MRPS9: variants seen among roughly 807,000 people sequenced by gnomAD.
MRPS9 encodes mitochondrial ribosomal protein S9.
Under a neutral mutation model 59.9 loss-of-function variants are expected in MRPS9, and 45 were observed. That is an observed-to-expected ratio of 0.75 (90% CI 0.59 to 0.96). The LOEUF (loss-of-function observed/expected upper bound fraction) is 0.96. MRPS9 is among the 40% of genes least tolerant of loss of function. The pLI is 0.00. For missense variants in MRPS9, 473 were observed against 481.1 expected, an observed-to-expected ratio of 0.98 and a Z score of 0.16; for synonymous variants, 171 against 166.8, an observed-to-expected ratio of 1.03 and a Z score of -0.19.
intron 1 of MRPS9, 97 bp downstream of exon 1, chr2:105,038,324 CAGGGA>C: frequency 6.7e-7 from 1 of 1,484,006 alleles, no homozygotes; most frequent in Non-Finnish European, 9.1e-7. Context: ...TGCCTTCAGG[CAGGGA>C]CTCTAGGATC....
At position 105,093,277 on chromosome 2, in the gene MRPS9, A is replaced by G. The variant is rs573915454; in HGVS notation, c.821-253A>G. Among the ~76,000 whole-genome samples, 5 of 152,292 alleles carry G rather than the reference A, an allele frequency of 3.3e-5. No individual in the cohort carries two copies. In the South Asian group the frequency reaches 6.2e-4, roughly 19 times the overall value. On this transcript the variant is annotated intron_variant, in intron 8 of 10. Coordinates refer to ENST00000258455, the MANE Select transcript of MRPS9 (RefSeq NM_182640.3). ...TATAAATTACTTTGTTGGTTGTTCAAACTAATTTAAAATCATTGTAGTGTT... is the reference window on the plus strand; with the variant it reads ...TATAAATTACTTTGTTGGTTGTTCAGACTAATTTAAAATCATTGTAGTGTT...
chr2:105,094,086 T>C (rs1248812101), intron 9 of MRPS9, among the ~76,000 whole-genome samples: 2 of 152,160 alleles, frequency 1.3e-5, no homozygotes, highest in South Asian at 2.1e-4. Context: ...TTGTGGCTTG[T>C]GTATGTTTTT....
In MRPS9 at chr2:105,042,203, T is replaced by C. The variant is rs188380532; in HGVS notation, c.135+3976T>C. Among the ~76,000 whole-genome samples, 6 of 152,350 alleles carry C rather than the reference T, an allele frequency of 3.9e-5. No individual in the cohort carries two copies. The East Asian group carries it at 1.2e-3, about 29-fold the overall frequency. On this transcript the variant is annotated intron_variant, in intron 1 of 10. Coordinates refer to ENST00000258455, the MANE Select transcript of MRPS9 (RefSeq NM_182640.3). The stretch of plus-strand genomic sequence containing the variant: ...TCTGGTAAGGCAAGAGTCCAGGTAT[T>C]GGCCGGGGCTGCAGTCATCTCAAGG...
At chr2:105,049,596 G>A (rs1480252730) in intron 2 of MRPS9, among the ~76,000 whole-genome samples, 1 of 152,186 alleles carries the variant, frequency 6.6e-6, no homozygotes, top group African/African-American at 2.4e-5. Context: ...ATTGGGAAAT[G>A]TTTAACCTGT....
At chr2:105,087,129 G>A (rs1467982188) in intron 5 of MRPS9, among the ~76,000 whole-genome samples, 1 of 152,138 alleles carries the variant, frequency 6.6e-6, no homozygotes, top group Non-Finnish European at 1.5e-5. Flanking sequence ...TTTCAGTAGA[G>A]TAACAGGGAT....
At chr2:105,062,607 C>CT (rs2104449312) in intron 2 of MRPS9, among the ~76,000 whole-genome samples, 1 of 152,318 alleles carries the variant, frequency 6.6e-6, no homozygotes, top group South Asian at 2.1e-4. Flanking sequence ...ACATTACAGA[C>CT]TTTAACCTTG....
intron 2 of MRPS9, among the ~76,000 whole-genome samples, chr2:105,064,382 G>A (rs1356954524): frequency 6.6e-6 from 1 of 152,106 alleles, no homozygotes; most frequent in Non-Finnish European, 1.5e-5. Flanking sequence ...GAAGAAAGCA[G>A]TGGGTACTTC....
chr2:105,061,957 T>G (rs6738293), intron 2 of MRPS9, among the ~76,000 whole-genome samples: 33,559 of 152,110 alleles, frequency 0.22, 3,769 homozygotes, highest in Middle Eastern at 0.35. Context: ...TATATGTTTT[T>G]CTTTCTAGTA....
chr2:105,058,349 A>G (rs992089551), intron 2 of MRPS9, among the ~76,000 whole-genome samples: 12 of 152,202 alleles, frequency 7.9e-5, no homozygotes, highest in African/African-American at 2.7e-4. Flanking sequence ...CTGCAAACCC[A>G]CTGCCCAGCT....
intron 9 of MRPS9, among the ~76,000 whole-genome samples, chr2:105,094,099 G>C (rs989052208): frequency 6.6e-6 from 1 of 152,082 alleles, no homozygotes; most frequent in African/African-American, 2.4e-5. Context: ...ATGTTTTTCT[G>C]ATCATAAATA....
intron 1 of MRPS9, among the ~76,000 whole-genome samples, chr2:105,047,433 T>C (rs1190655815): frequency 6.6e-6 from 1 of 152,056 alleles, no homozygotes; most frequent in African/African-American, 2.4e-5. Flanking sequence ...TGTGTAACTT[T>C]AGTGACAAAT....
At chr2:105,093,079 TGTG>T (rs1192541355) in intron 8 of MRPS9, among the ~76,000 whole-genome samples, 3 of 152,200 alleles carry the variant, frequency 2.0e-5, no homozygotes, top group Admixed American at 6.5e-5. Flanking sequence ...TTTTAACTAC[TGTG>T]GTGTTTTCAA....
intron 6 of MRPS9, 58 bp downstream of exon 6, chr2:105,089,127 C>A: frequency 7.5e-7 from 1 of 1,342,010 alleles, no homozygotes; most frequent in Non-Finnish European, 1.1e-6. Flanking sequence ...ACATGCCACT[C>A]ATTGGTATTT....
At chr2:105,048,968 A>C (rs1679659138) in intron 1 of MRPS9, among the ~76,000 whole-genome samples, 1 of 148,842 alleles carries the variant, frequency 6.7e-6, no homozygotes. Context: ...CTTAAACTGC[A>C]TTGTAAGCAA....
chr2:105,081,032 G>A (rs987946285), intron 5 of MRPS9, among the ~76,000 whole-genome samples: 1 of 152,132 alleles, frequency 6.6e-6, no homozygotes, highest in South Asian at 2.1e-4. Flanking sequence ...ATGGAGCTGC[G>A]GCTCCGGCTC....
At chr2:105,061,462 C>T (rs940070488) in intron 2 of MRPS9, among the ~76,000 whole-genome samples, 1 of 152,096 alleles carries the variant, frequency 6.6e-6, no homozygotes, top group East Asian at 1.9e-4. Context: ...GGCAGAGACT[C>T]CAGTGACAAG....
chr2:105,097,487 C>G, intron 10 of MRPS9, 163 bp downstream of exon 10: 1 of 617,266 alleles, frequency 1.6e-6, no homozygotes. Context: ...CAGTATTTCT[C>G]AGATTTGATT....
At chr2:105,073,849 G>A (rs535492046) in intron 4 of MRPS9, among the ~76,000 whole-genome samples, 6 of 152,182 alleles carry the variant, frequency 3.9e-5, no homozygotes, top group Admixed American at 2.6e-4. Flanking sequence ...ATTTAGCATC[G>A]AAATGTTCAA....
chr2:105,057,347 CTT>C (rs1424624732), intron 2 of MRPS9, among the ~76,000 whole-genome samples: 1 of 152,178 alleles, frequency 6.6e-6, no homozygotes, highest in Non-Finnish European at 1.5e-5. Flanking sequence ...TTTCATCAGT[CTT>C]TCACAGGTTA....
Sources: gnomAD v4.1 joint callset for allele counts (sites outside exome capture counted in the v4.1 genomes callset) on GRCh38, gnomAD v4.1.1 for gene constraint, MANE v1.5 for transcripts, NCBI Gene and HGNC (gene_info 2026-07-23, HGNC 2026-07-21) for gene names.